Variants in TP63 observed in about 807,000 individuals in gnomAD.
The protein encoded by TP63 is tumor protein 63.
Under a neutral mutation model 82.8 loss-of-function variants are expected in TP63, and 17 were observed. The ratio of observed to expected loss-of-function variants is 0.21; its 90% CI spans 0.14 to 0.31. The LOEUF is 0.31. Among genes scored for constraint, TP63 ranks in the 10% least tolerant of loss-of-function variants. TP63 has a pLI of 1.00. For missense variants in TP63, 648 were observed against 895.3 expected (o/e 0.72, Z 3.52); for synonymous variants, 330 against 321.7 (o/e 1.03, Z -0.28).
intron 1 of TP63, among the ~76,000 whole-genome samples, chr3:189,689,472 A>G (rs1164049276): frequency 1.3e-5 from 2 of 152,038 alleles, no homozygotes; most frequent in African/African-American, 4.8e-5. Context: ...TTTCACATGT[A>G]TAAGGCAATA....
intron 3 of TP63, among the ~76,000 whole-genome samples, chr3:189,803,357 A>G (rs193095129): frequency 6.6e-6 from 1 of 152,334 alleles, no homozygotes; most frequent in East Asian, 1.9e-4. Flanking sequence ...CAAAAACACA[A>G]ATTATAGGTA....
chr3:189,650,636 G>T (rs4011821), intron 1 of TP63, among the ~76,000 whole-genome samples: 72,091 of 146,286 alleles, frequency 0.49, 22,056 homozygotes, highest in Middle Eastern at 0.71. Context: ...GATTGTAAGA[G>T]TCCAAAGGCC....
chr3:189,615,488 G>A, the TP63 span, among the ~76,000 whole-genome samples: 1 of 152,138 alleles, frequency 6.6e-6, no homozygotes, highest in African/African-American at 2.4e-5. Flanking sequence ...ATAATTTTGT[G>A]TGTTTGGTCT....
At chr3:189,733,150 A>G (rs893033551) in intron 1 of TP63, among the ~76,000 whole-genome samples, 36 of 152,202 alleles carry the variant, frequency 2.4e-4, no homozygotes, top group African/African-American at 7.2e-4. Flanking sequence ...GAACCTAGGG[A>G]TAAAAGCAAA....
chr3:189,732,363 G>A (rs184667708), intron 1 of TP63, among the ~76,000 whole-genome samples: 3 of 152,284 alleles, frequency 2.0e-5, no homozygotes, highest in African/African-American at 7.2e-5. Context: ...TGATCTAGAA[G>A]AAAATGAGTG....
chr3:189,858,456 A>T (rs1044374906), intron 4 of TP63, among the ~76,000 whole-genome samples: 1 of 151,974 alleles, frequency 6.6e-6, no homozygotes, highest in East Asian at 1.9e-4. Flanking sequence ...TGCACAGTAG[A>T]ATACTATTCA....
intron 1 of TP63, among the ~76,000 whole-genome samples, chr3:189,668,474 A>G (rs765104245): frequency 1.3e-5 from 2 of 152,142 alleles, no homozygotes; most frequent in East Asian, 1.9e-4. Context: ...TAGAAAATCT[A>G]CAACAAAAAT....
intron 4 of TP63, among the ~76,000 whole-genome samples, chr3:189,818,803 A>G (rs1728475727): frequency 6.6e-6 from 1 of 152,176 alleles, no homozygotes; most frequent in African/African-American, 2.4e-5. Flanking sequence ...ACTCCCCAAA[A>G]CAGAGTAGTC....
chr3:189,885,039 T>C (rs1720294577), intron 10 of TP63, among the ~76,000 whole-genome samples: 1 of 152,228 alleles, frequency 6.6e-6, no homozygotes, highest in East Asian at 1.9e-4. Flanking sequence ...AAAATTTGAA[T>C]TATACATATA....
intron 3 of TP63, among the ~76,000 whole-genome samples, chr3:189,760,975 C>T (rs1231961551): frequency 6.6e-6 from 1 of 152,178 alleles, no homozygotes; most frequent in Admixed American, 6.5e-5. Flanking sequence ...CTACATTGCC[C>T]CTCTCAGCCA....
chr3:189,646,354 C>T (rs192744797), intron 1 of TP63, among the ~76,000 whole-genome samples: 22 of 146,498 alleles, frequency 1.5e-4, no homozygotes, highest in African/African-American at 4.9e-4. Flanking sequence ...AGGAAGTGAC[C>T]GAGCAAATGG....
At chr3:189,819,488 C>T (rs534824085) in intron 4 of TP63, among the ~76,000 whole-genome samples, 1 of 152,178 alleles carries the variant, frequency 6.6e-6, no homozygotes, top group African/African-American at 2.4e-5. Context: ...TGTTCCCCTT[C>T]CTGTGTCCAG....
chr3:189,811,016 C>T (rs1486009560), intron 4 of TP63, among the ~76,000 whole-genome samples: 1 of 152,160 alleles, frequency 6.6e-6, no homozygotes, highest in Non-Finnish European at 1.5e-5. Context: ...TTCTGGTACA[C>T]TGGTAAAATT....
chr3:189,661,003 G>A (rs1428839347), intron 1 of TP63, among the ~76,000 whole-genome samples: 2 of 151,976 alleles, frequency 1.3e-5, no homozygotes, highest in Non-Finnish European at 2.9e-5. Context: ...TTTTCTAGGT[G>A]TAAAATCATA....
At chr3:189,775,220 C>CAAAAAA (rs56288032) in intron 3 of TP63, among the ~76,000 whole-genome samples, 4 of 92,982 alleles carry the variant, frequency 4.3e-5, no homozygotes, top group African/African-American at 4.3e-5. Flanking sequence ...AACTCTGTCT[C>CAAAAAA]AAAAAAAAAA....
intron 3 of TP63, among the ~76,000 whole-genome samples, chr3:189,767,343 G>C (rs578219416): frequency 5.9e-4 from 90 of 152,096 alleles, no homozygotes; most frequent in African/African-American, 2.0e-3. Context: ...TTGTGTATAG[G>C]TACTATTAAA....
intron 4 of TP63, among the ~76,000 whole-genome samples, chr3:189,830,797 ACTTTGAAGGAGGAAGGGAG>A (rs1471063500): frequency 1.3e-5 from 2 of 152,214 alleles, no homozygotes; most frequent in African/African-American, 2.4e-5. Flanking sequence ...TTTCTTTGGG[ACTTTGAAGGAGGAAGGGAG>A]CATATAGACA....
chr3:189,606,814 C>T, the TP63 span, among the ~76,000 whole-genome samples: 2 of 151,866 alleles, frequency 1.3e-5, no homozygotes, highest in African/African-American at 2.4e-5. Flanking sequence ...ACGGGCCAAC[C>T]CCGCAATGAT....
intron 5 of TP63, among the ~76,000 whole-genome samples, chr3:189,864,859 T>G (rs1271143783): frequency 6.6e-6 from 1 of 151,846 alleles, no homozygotes; most frequent in Non-Finnish European, 1.5e-5. Context: ...ACAAAAAAAT[T>G]AGCTGGGCAT....
Sources: gnomAD v4.1 joint callset for allele counts (sites outside exome capture counted in the v4.1 genomes callset) on GRCh38, gnomAD v4.1.1 for gene constraint, MANE v1.5 for transcripts, NCBI Gene and HGNC (gene_info 2026-07-23, HGNC 2026-07-21) for gene names.